KIAA1217: variants seen among roughly 807,000 people sequenced by gnomAD.
The protein encoded by KIAA1217 is KIAA1217.
Under a neutral mutation model 163.9 loss-of-function variants are expected in KIAA1217, and 88 were observed. The observed-to-expected ratio is 0.54, with a 90% CI of 0.45 to 0.64. KIAA1217 has a LOEUF of 0.64. Ranked by LOEUF, KIAA1217 falls within the 30% of genes least tolerant of loss-of-function variation. The pLI is 0.00. For synonymous variants in KIAA1217, 903 were observed against 923.1 expected (o/e 0.98, Z 0.39); for missense variants, 2,372 against 2,475.0 (o/e 0.96, Z 0.88).
chr10:24,054,882 A>G (rs925475371), intron 2 of KIAA1217, among the ~76,000 whole-genome samples: 1 of 152,206 alleles, frequency 6.6e-6, no homozygotes, highest in Non-Finnish European at 1.5e-5. Context: ...GAAAACATAC[A>G]GTATTATAAT....
At chr10:23,993,954 T>C (rs1846344941) in intron 1 of KIAA1217, among the ~76,000 whole-genome samples, 1 of 152,096 alleles carries the variant, frequency 6.6e-6, no homozygotes, top group South Asian at 2.1e-4. Context: ...CTCAGGCTCC[T>C]AAACATTCAA....
At chr10:24,440,063 T>C (rs1049593011) in intron 5 of KIAA1217, among the ~76,000 whole-genome samples, 1 of 152,182 alleles carries the variant, frequency 6.6e-6, no homozygotes, top group Non-Finnish European at 1.5e-5. Flanking sequence ...AATGACGACA[T>C]TGTGGGATCA....
chr10:24,050,717 T>C (rs763106216), intron 2 of KIAA1217, among the ~76,000 whole-genome samples: 2 of 152,170 alleles, frequency 1.3e-5, no homozygotes, highest in Non-Finnish European at 1.5e-5. Context: ...CCTTGTAGTA[T>C]AGTTTGAAGT....
chr10:24,125,634 T>C (rs1350068955), intron 2 of KIAA1217, among the ~76,000 whole-genome samples: 1 of 152,168 alleles, frequency 6.6e-6, no homozygotes, highest in Non-Finnish European at 1.5e-5. Flanking sequence ...AGTTTTTCTT[T>C]CTACTACTCA....
At chr10:23,762,000 C>G (rs928321131) in intron 1 of KIAA1217, among the ~76,000 whole-genome samples, 1 of 152,082 alleles carries the variant, frequency 6.6e-6, no homozygotes, top group Non-Finnish European at 1.5e-5. Flanking sequence ...ACTAGAACAT[C>G]TAGAAGAAAT....
At chr10:23,742,124 G>A (rs1468532595) in intron 1 of KIAA1217, among the ~76,000 whole-genome samples, 6 of 152,320 alleles carry the variant, frequency 3.9e-5, no homozygotes, top group Middle Eastern at 3.4e-3. Context: ...TCGTAGAGCT[G>A]GAGATCAAGC....
intron 1 of KIAA1217, among the ~76,000 whole-genome samples, chr10:23,849,131 C>T (rs1409216234): frequency 6.6e-6 from 1 of 152,024 alleles, no homozygotes; most frequent in East Asian, 1.9e-4. Flanking sequence ...TCATAATTAG[C>T]TTGCATTAAG....
intron 1 of KIAA1217, among the ~76,000 whole-genome samples, chr10:23,721,900 A>G (rs1431956031): frequency 2.0e-5 from 3 of 152,090 alleles, no homozygotes; most frequent in Non-Finnish European, 2.9e-5. Flanking sequence ...TAGATTTCCT[A>G]TCTTTCTTGC....
intron 1 of KIAA1217, among the ~76,000 whole-genome samples, chr10:23,950,992 G>T (rs1274653398): frequency 6.6e-6 from 1 of 152,132 alleles, no homozygotes; most frequent in Non-Finnish European, 1.5e-5. Context: ...TGGTGCTGGG[G>T]TGTTCATGAT....
At chr10:24,215,929 C>A (rs1400274075) in intron 1 of KIAA1217, among the ~76,000 whole-genome samples, 1 of 152,188 alleles carries the variant, frequency 6.6e-6, no homozygotes, top group African/African-American at 2.4e-5. Flanking sequence ...CAAAGGCAAT[C>A]CGATGTTTGC....
chr10:24,067,559 G>A (rs1424715955), intron 2 of KIAA1217, among the ~76,000 whole-genome samples: 6 of 152,198 alleles, frequency 3.9e-5, no homozygotes, highest in Non-Finnish European at 8.8e-5. Flanking sequence ...CCCTACTGGG[G>A]GATGCCTCCC....
chr10:24,190,799 A>C (rs866582445), intron 2 of KIAA1217, among the ~76,000 whole-genome samples: 28 of 152,196 alleles, frequency 1.8e-4, no homozygotes, highest in African/African-American at 6.8e-4. Flanking sequence ...AGAGTCTATA[A>C]GAAGAAAATG....
At chr10:23,882,664 C>T (rs1175868382) in intron 1 of KIAA1217, among the ~76,000 whole-genome samples, 5 of 151,850 alleles carry the variant, frequency 3.3e-5, no homozygotes, top group East Asian at 3.9e-4. Context: ...AATCTGTGTT[C>T]GTCACTCAAG....
intron 2 of KIAA1217, among the ~76,000 whole-genome samples, chr10:24,092,438 C>T (rs1395058117): frequency 6.6e-6 from 1 of 151,738 alleles, no homozygotes; most frequent in Admixed American, 6.5e-5. Context: ...AATGTTCAAA[C>T]AAAGCCTGTA....
chr10:24,470,475 C>T (rs969776157), intron 5 of KIAA1217, among the ~76,000 whole-genome samples: 5 of 152,114 alleles, frequency 3.3e-5, no homozygotes, highest in African/African-American at 1.2e-4. Context: ...GGAGCCTGAC[C>T]TCGAACCTTC....
intron 2 of KIAA1217, among the ~76,000 whole-genome samples, chr10:24,097,678 G>A (rs1204120644): frequency 1.3e-5 from 2 of 152,192 alleles, no homozygotes; most frequent in African/African-American, 4.8e-5. Context: ...CCAATAAATT[G>A]TCACGGTGAT....
rs190609349 is a variant in KIAA1217 at position 24,058,565 on chromosome 10, C to A, written c.-171+51191C>A. 1.1e-4 allele frequency among the ~76,000 whole-genome samples: 16 copies of A among 152,172 alleles called. No homozygotes were observed. In the East Asian group the frequency reaches 2.1e-3, roughly 20 times the overall value. The stretch of plus-strand genomic sequence containing the variant: ...CATTTATTTGTGTCTTCTTTAATTT[C>A]TTTCATTAATGTCTTTAATTTTCAG... On this transcript the variant is annotated intron_variant, in intron 2 of 18. Coordinates refer to the KIAA1217 transcript ENST00000376462.
At chr10:23,861,814 C>T (rs907318218) in intron 1 of KIAA1217, among the ~76,000 whole-genome samples, 3 of 152,090 alleles carry the variant, frequency 2.0e-5, no homozygotes, top group Admixed American at 1.3e-4. Flanking sequence ...TGGATTCTTC[C>T]CCCAGAGCCT....
chr10:24,220,446 CTTTTTTT>C (rs530992369), intron 2 of KIAA1217, among the ~76,000 whole-genome samples: 9 of 103,086 alleles, frequency 8.7e-5, no homozygotes, highest in Non-Finnish European at 1.3e-4. Context: ...TTCTGCTCTT[CTTTTTTT>C]TTTTTTTTTT....
Sources: gnomAD v4.1 joint callset for allele counts (sites outside exome capture counted in the v4.1 genomes callset) on GRCh38, gnomAD v4.1.1 for gene constraint, MANE v1.5 for transcripts, NCBI Gene and HGNC (gene_info 2026-07-23, HGNC 2026-07-21) for gene names.